The following APP variants were observed in gnomAD, a reference collection of about 807,000 sequenced individuals.
APP encodes the protein amyloid-beta precursor protein.
A neutral mutation model predicts 101.4 loss-of-function variants in APP; 31 were observed. The ratio of observed to expected loss-of-function variants is 0.31; its 90% CI spans 0.23 to 0.41. The LOEUF (loss-of-function observed/expected upper bound fraction) is 0.41. APP is among the 10% of genes least tolerant of loss of function. The probability of loss-of-function intolerance (pLI) is 1.00; values close to 1 mark genes in which losing one functional copy is unlikely to be tolerated. For synonymous variants in APP, 366 were observed against 364.4 expected, an observed-to-expected ratio of 1.00 and a Z score of -0.05; for missense variants, 839 against 1,003.7, an observed-to-expected ratio of 0.84 and a Z score of 2.22.
chr21:25,963,477 A>C (rs1262407300), intron 11 of APP, among the ~76,000 whole-genome samples: 1 of 152,166 alleles, frequency 6.6e-6, no homozygotes, highest in East Asian at 1.9e-4. Flanking sequence ...AAGGAAGTAA[A>C]TGACTCACTG....
chr21:25,928,085 C>T (rs900739968), intron 13 of APP, among the ~76,000 whole-genome samples: 2 of 152,168 alleles, frequency 1.3e-5, no homozygotes, highest in African/African-American at 4.8e-5. Context: ...TGGCTCACGC[C>T]TGTAATCCCA....
intron 1 of APP, chr21:26,140,213 T>A: frequency 6.5e-7 from 1 of 1,536,140 alleles, no homozygotes; most frequent in Non-Finnish European, 8.7e-7. Flanking sequence ...GGGGAAGAGC[T>A]GGCTCCAATC....
chr21:26,012,460 A>G (rs187013627), intron 6 of APP, among the ~76,000 whole-genome samples: 2 of 152,292 alleles, frequency 1.3e-5, no homozygotes, highest in Non-Finnish European at 2.9e-5. Context: ...AGAATCACAA[A>G]AAGTCAGGCA....
Position 25,880,688 on chromosome 21 carries a change from T to A in APP, c.*982A>T, listed in dbSNP as rs995212130. The A allele has an allele frequency of 2.0e-5, 3 of 152,252 alleles. No individual in the cohort carries two copies. The highest frequency in any genetic ancestry group is 7.2e-5 in the African/African-American group (3 of 41,460). The allele number at this position is 152,252 out of a possible 1,614,324, so 9.4% of individuals were successfully genotyped here. A position where few individuals can be genotyped will look rare whatever the true frequency, so the allele number is the denominator to read the frequency against. On this transcript the variant is annotated 3_prime_UTR_variant, in exon 18 of 18. Transcript: ENST00000346798. ...ACTTCCATTTTCATCTTCTTTTGTATCATAAATGAAACTTCAGACTGGTTA... is the reference window on the plus strand; with the variant it reads ...ACTTCCATTTTCATCTTCTTTTGTAACATAAATGAAACTTCAGACTGGTTA...
chr21:25,935,630 A>G (rs535813167), intron 13 of APP, among the ~76,000 whole-genome samples: 1 of 152,196 alleles, frequency 6.6e-6, no homozygotes, highest in South Asian at 2.1e-4. Flanking sequence ...TTACAAGGTC[A>G]GGAATTCGAG....
At chr21:26,086,130 T>A (rs11910285) in intron 3 of APP, among the ~76,000 whole-genome samples, 20 of 152,104 alleles carry the variant, frequency 1.3e-4, no homozygotes, top group African/African-American at 4.6e-4. Flanking sequence ...ATGGAAAGGG[T>A]TGAAAGCTTT....
intron 3 of APP, among the ~76,000 whole-genome samples, chr21:26,068,891 G>A (rs2211773): frequency 2.0e-5 from 3 of 152,096 alleles, no homozygotes; most frequent in African/African-American, 7.2e-5. Context: ...ATTCCCAGTC[G>A]CTTGCTGCAT....
intron 1 of APP, among the ~76,000 whole-genome samples, chr21:26,131,738 C>T (rs2062801469): frequency 6.6e-6 from 1 of 152,138 alleles, no homozygotes; most frequent in Non-Finnish European, 1.5e-5. Flanking sequence ...CTGTTCTCAT[C>T]AGTGAGAAAC....
chr21:25,947,443 A>C (rs2040871420), intron 13 of APP, among the ~76,000 whole-genome samples: 1 of 152,248 alleles, frequency 6.6e-6, no homozygotes, highest in African/African-American at 2.4e-5. Context: ...TCAACATGGC[A>C]GTCCAAATGT....
At chr21:26,042,737 T>C (rs2045429956) in intron 5 of APP, among the ~76,000 whole-genome samples, 1 of 131,854 alleles carries the variant, frequency 7.6e-6, no homozygotes. Flanking sequence ...CCCCTGTCTC[T>C]ACAAAAAAAA....
intron 1 of APP, among the ~76,000 whole-genome samples, chr21:26,115,879 G>A (rs187962629): frequency 6.6e-6 from 1 of 152,178 alleles, no homozygotes; most frequent in African/African-American, 2.4e-5. Context: ...TAGTAGATGG[G>A]AAATATAACC....
At chr21:25,944,212 G>A (rs2040707379) in intron 13 of APP, among the ~76,000 whole-genome samples, 1 of 152,208 alleles carries the variant, frequency 6.6e-6, no homozygotes. Flanking sequence ...ACTATCTGAA[G>A]TCAATGAATC....
intron 5 of APP, among the ~76,000 whole-genome samples, chr21:26,040,528 G>A (rs1267522660): frequency 6.6e-6 from 1 of 151,814 alleles, no homozygotes; most frequent in Non-Finnish European, 1.5e-5. Flanking sequence ...CTTGAACCTG[G>A]GAGGCAGAGG....
intron 10 of APP, 26 bp from the exon 11 acceptor site, chr21:25,975,254 T>C: frequency 6.2e-7 from 1 of 1,614,074 alleles, no homozygotes; most frequent in Non-Finnish European, 8.5e-7. Flanking sequence ...CATATGTCCA[T>C]GGGGACTGAA....
intron 3 of APP, among the ~76,000 whole-genome samples, chr21:26,071,729 A>T (rs1345425762): frequency 6.6e-6 from 1 of 152,240 alleles, no homozygotes; most frequent in Admixed American, 6.5e-5. Flanking sequence ...GAATATCTGG[A>T]TATGAGAATC....
At position 25,897,628 on chromosome 21, in the gene APP, T is replaced by C. The variant is rs2038162297; in HGVS notation, c.2009A>G (p.Lys670Arg). 1 of 1,614,056 alleles carries C rather than the reference T, an allele frequency of 6.2e-7. No individual in the cohort carries two copies. The highest frequency in any genetic ancestry group is 8.5e-7 in the Non-Finnish European group (1 of 1,179,948). Residue 670 changes from lysine to arginine, a missense_variant, in exon 16 of 18, where the codon AAG becomes AGG. Transcript: ENST00000346798. ...NIKTEEISEV[K>R]MDAEFRHDSG... ...GTCATGTCGGAATTCTGCATCCATC[T>C]TCACTTCAGAGATCTCCTCCGTCTT...
chr21:26,124,501 A>C (rs2062640786), intron 1 of APP, among the ~76,000 whole-genome samples: 1 of 152,198 alleles, frequency 6.6e-6, no homozygotes, highest in African/African-American at 2.4e-5. Flanking sequence ...AAATCAGATG[A>C]TCTAACTGGA....
At chr21:26,029,019 T>C (rs890615457) in intron 5 of APP, among the ~76,000 whole-genome samples, 1 of 151,952 alleles carries the variant, frequency 6.6e-6, no homozygotes, top group Admixed American at 6.6e-5. Flanking sequence ...AGAGAGTGCA[T>C]GGATGGCTGA....
At chr21:26,033,628 C>T (rs2044948374) in intron 5 of APP, among the ~76,000 whole-genome samples, 1 of 152,134 alleles carries the variant, frequency 6.6e-6, no homozygotes, top group South Asian at 2.1e-4. Context: ...GAGTCTGGAC[C>T]ATCATCTAGA....
Sources: allele counts gnomAD v4.1 joint callset (sites outside exome capture counted in the v4.1 genomes callset), GRCh38; gene constraint gnomAD v4.1.1; transcripts MANE v1.5; gene names NCBI Gene and HGNC (gene_info 2026-07-23, HGNC 2026-07-21).